The following KCNQ3 variants were observed in gnomAD, a reference collection of about 807,000 sequenced individuals.
KCNQ3 encodes potassium voltage-gated channel subfamily KQT member 3.
KCNQ3 carries 30 observed loss-of-function variants against 92.5 expected under a neutral mutation model. The observed-to-expected ratio is 0.32, with a 90% CI of 0.24 to 0.44. The LOEUF (loss-of-function observed/expected upper bound fraction) is 0.44. KCNQ3 is among the 20% of genes least tolerant of loss of function. The pLI is 1.00. For missense variants in KCNQ3, 913 were observed against 1,140.3 expected (o/e 0.80, Z 2.87); for synonymous variants, 450 against 468.8 (o/e 0.96, Z 0.52).
chr8:132,307,332 T>C (rs1817456680), intron 1 of KCNQ3, among the ~76,000 whole-genome samples: 1 of 152,214 alleles, frequency 6.6e-6, no homozygotes, highest in Non-Finnish European at 1.5e-5. Flanking sequence ...GCTCCTGTTT[T>C]GCACTACATA....
intron 1 of KCNQ3, among the ~76,000 whole-genome samples, chr8:132,366,963 A>T (rs1278114095): frequency 1.3e-5 from 2 of 152,066 alleles, no homozygotes; most frequent in African/African-American, 2.4e-5. Context: ...ATTGCTTCAT[A>T]AAAAAAACTT....
intron 1 of KCNQ3, among the ~76,000 whole-genome samples, chr8:132,342,203 C>T (rs13276777): frequency 0.17 from 26,458 of 152,032 alleles, 2,757 homozygotes; most frequent in East Asian, 0.42. Flanking sequence ...AGCTCAAACC[C>T]AAACCATGAC....
At chr8:132,190,628 C>T (rs1269712972) in intron 1 of KCNQ3, among the ~76,000 whole-genome samples, 1 of 152,152 alleles carries the variant, frequency 6.6e-6, no homozygotes, top group African/African-American at 2.4e-5. Context: ...GGGAGTCCTC[C>T]CACAAGATCC....
At chr8:132,270,617 C>G (rs1816120058) in intron 1 of KCNQ3, among the ~76,000 whole-genome samples, 1 of 152,202 alleles carries the variant, frequency 6.6e-6, no homozygotes, top group African/African-American at 2.4e-5. Context: ...TAAGTATTAT[C>G]TATGGCTACT....
intron 1 of KCNQ3, among the ~76,000 whole-genome samples, chr8:132,303,313 C>T (rs2130589091): frequency 6.6e-6 from 1 of 151,914 alleles, no homozygotes; most frequent in African/African-American, 2.4e-5. Context: ...CAGTTCCTGT[C>T]CTCAAAGACC....
intron 1 of KCNQ3, among the ~76,000 whole-genome samples, chr8:132,479,398 G>A (rs1202538088): frequency 6.6e-6 from 1 of 152,042 alleles, no homozygotes; most frequent in Non-Finnish European, 1.5e-5. Flanking sequence ...AGGGAATATC[G>A]GATCCCAAAT....
At chr8:132,318,271 T>C (rs1329473211) in intron 1 of KCNQ3, among the ~76,000 whole-genome samples, 1 of 152,220 alleles carries the variant, frequency 6.6e-6, no homozygotes, top group Non-Finnish European at 1.5e-5. Context: ...AAGTAATTAA[T>C]AGTACAGGTT....
At chr8:132,273,593 T>C (rs1356782443) in intron 1 of KCNQ3, among the ~76,000 whole-genome samples, 1 of 152,246 alleles carries the variant, frequency 6.6e-6, no homozygotes. Context: ...CACATTTCTA[T>C]AGTGGGCCTG....
intron 12 of KCNQ3, among the ~76,000 whole-genome samples, chr8:132,134,971 C>T (rs1563765270): frequency 6.6e-6 from 1 of 152,108 alleles, no homozygotes; most frequent in Non-Finnish European, 1.5e-5. Context: ...CTGCATGAGG[C>T]ACCAGCTCCT....
chr8:132,381,184 G>T (rs565451596), intron 1 of KCNQ3, among the ~76,000 whole-genome samples: 1 of 152,298 alleles, frequency 6.6e-6, no homozygotes, highest in African/African-American at 2.4e-5. Context: ...TCTCAGAGAG[G>T]TTAGGCCACT....
At chr8:132,278,933 C>A (rs1380604421) in intron 1 of KCNQ3, among the ~76,000 whole-genome samples, 2 of 152,090 alleles carry the variant, frequency 1.3e-5, no homozygotes, top group Admixed American at 1.3e-4. Flanking sequence ...AAGTGCACAT[C>A]CGTCAGGGGC....
intron 1 of KCNQ3, chr8:132,447,064 G>T: frequency 2.8e-6 from 2 of 719,378 alleles, no homozygotes; most frequent in Non-Finnish European, 4.7e-6. Context: ...CCCCTTCTGG[G>T]AACCCAGGGT....
At chr8:132,257,276 A>G (rs1048916881) in intron 1 of KCNQ3, among the ~76,000 whole-genome samples, 3 of 152,232 alleles carry the variant, frequency 2.0e-5, no homozygotes, top group East Asian at 1.9e-4. Context: ...AGTGCACTAG[A>G]CAATCTATTT....
chr8:132,232,907 T>C (rs569532753), intron 1 of KCNQ3, among the ~76,000 whole-genome samples: 4 of 152,162 alleles, frequency 2.6e-5, no homozygotes, highest in Admixed American at 6.5e-5. Context: ...CGTATACAGA[T>C]GGATTAATGC....
At chr8:132,253,511 G>A (rs1384381919) in intron 1 of KCNQ3, among the ~76,000 whole-genome samples, 2 of 152,160 alleles carry the variant, frequency 1.3e-5, no homozygotes, top group Admixed American at 6.5e-5. Flanking sequence ...CAATAAATGT[G>A]AGCTCGAGGA....
chr8:132,200,578 G>T (rs879513681), intron 1 of KCNQ3, among the ~76,000 whole-genome samples: 6 of 152,080 alleles, frequency 3.9e-5, no homozygotes, highest in Non-Finnish European at 8.8e-5. Flanking sequence ...CACCCCTGTC[G>T]TGTTAGATAA....
At chr8:132,204,490 G>T (rs1005076542) in intron 1 of KCNQ3, among the ~76,000 whole-genome samples, 2 of 152,068 alleles carry the variant, frequency 1.3e-5, no homozygotes, top group Admixed American at 1.3e-4. Context: ...CCTCATTCTG[G>T]TCCCCCATTC....
intron 14 of KCNQ3, 98 bp downstream of exon 14, chr8:132,132,082 C>T (rs1342577372): frequency 7.0e-6 from 6 of 859,612 alleles, no homozygotes; most frequent in South Asian, 4.4e-5. Context: ...AGTGAACCTT[C>T]GTCTTAAAAA....
intron 11 of KCNQ3, 43 bp from the exon 12 acceptor site, chr8:132,138,059 G>A: frequency 1.3e-6 from 2 of 1,598,892 alleles, no homozygotes; most frequent in Admixed American, 3.3e-5. Context: ...CATGTGGAGA[G>A]TGCGGGGAGC....
Sources: allele counts gnomAD v4.1 joint callset (sites outside exome capture counted in the v4.1 genomes callset), GRCh38; gene constraint gnomAD v4.1.1; transcripts MANE v1.5; gene names NCBI Gene and HGNC (gene_info 2026-07-23, HGNC 2026-07-21).